MAGEE2: variants seen among roughly 807,000 people sequenced by gnomAD.
MAGEE2 encodes MAGE family member E2.
For synonymous variants in MAGEE2, 189 were observed against 155.4 expected (o/e 1.22, Z -1.61); for missense variants, 508 against 391.1 (o/e 1.30, Z -2.52).
rs750842598 is a variant in MAGEE2, at chrX:75,784,212, G to T, written c.840C>A (p.Ser280Arg). Residue 280 changes from serine (S) to arginine (R), a missense_variant, in exon 1 of 1, where the codon AGC becomes AGA. Coordinates refer to ENST00000373359, the MANE Select transcript of MAGEE2 (RefSeq NM_138703.5). ...VSDAHDEEPWSWPEEYNKALE... is the reference protein window; with the variant it reads ...VSDAHDEEPWRWPEEYNKALE... ...GGGCCTTATTATATTCTTCTGGCCA[G>T]CTCCAGGGTTCTTCATCATGGGCAT... 11 of 1,209,798 alleles carry T rather than the reference G, an allele frequency of 9.1e-6. No individual in the cohort carries two copies. In the South Asian group the frequency reaches 1.4e-4, roughly 16 times the overall value.
Position 75,784,767 on chromosome X carries a change from C to G in MAGEE2, c.285G>C (p.Leu95Phe). The G allele has an allele frequency of 8.3e-7, 1 of 1,211,462 alleles. No individual in the cohort carries two copies. Reference sequence around the variant, plus strand: ...GGCTTTTCATTCTCATGAAATTCACCAAAGCAATCGACCTGTCTTCTAGAG... The same window carrying G: ...GGCTTTTCATTCTCATGAAATTCACGAAAGCAATCGACCTGTCTTCTAGAG... ...HDPLEDRSIA[L>F]VNFMRMKSQT... The change falls in exon 1 of 1, where the codon TTG (leucine) becomes TTC (phenylalanine). Residue 95 changes from leucine to phenylalanine, a missense_variant. Physicochemically the swap from Leu to Phe is conservative, Grantham distance 22. Transcript: ENST00000373359.
In MAGEE2 at chrX:75,784,704, C is replaced by T. The variant is rs753998570; in HGVS notation, c.348G>A (p.Glu116=). Residue 116 remains glutamate, a synonymous_variant, in exon 1 of 1, where the codon GAG becomes GAA. Transcript: ENST00000373359. ...ACTGATCTGAGTACTCTCTGAGAAACTCCAGCATCTCGGACTGCTGGATAG... is the reference window on the plus strand; with the variant it reads ...ACTGATCTGAGTACTCTCTGAGAAATTCCAGCATCTCGGACTGCTGGATAG... ...EGSIQQSEML[E]FLREYSDQFP... The T allele has an allele frequency of 4.1e-6, 5 of 1,209,765 alleles. No individual in the cohort carries two copies. The African/African-American group carries it at 8.7e-5, about 21-fold the overall frequency.
Position 75,783,762 on chromosome X carries a change from A to T in MAGEE2, c.1290T>A (p.Phe430Leu). Residue 430 changes from phenylalanine (F) to leucine (L), a missense_variant, in exon 1 of 1, where the codon TTT becomes TTA. Phe to Leu is a conservative substitution (Grantham distance 22, BLOSUM62 0). Coordinates refer to ENST00000373359, the MANE Select transcript of MAGEE2 (RefSeq NM_138703.5). Reference sequence around the variant, plus strand: ...AATGCTTTCTCCCTACATCCACACTAAATCTTCGAAGCAAGTTCCAGACAT... The same window carrying T: ...AATGCTTTCTCCCTACATCCACACTTAATCTTCGAAGCAAGTTCCAGACAT... ...EANVWNLLRR[F>L]SVDVGRKHSI... 1 of 1,211,728 alleles carries T rather than the reference A, an allele frequency of 8.3e-7. No homozygotes were observed. The highest frequency in any genetic ancestry group is 1.1e-6 in the Non-Finnish European group (1 of 895,527).
Position 75,784,822 on chromosome X carries a change from C to T in MAGEE2, c.230G>A (p.Arg77Lys). 1 of 1,211,502 alleles carries T rather than the reference C, an allele frequency of 8.3e-7. No homozygotes were observed. The highest frequency in any genetic ancestry group is 3.0e-5 in the East Asian group (1 of 33,802). Residue 77 changes from arginine to lysine, a missense_variant, in exon 1 of 1, where the codon AGA (arginine) becomes AAA (lysine). Physicochemically the swap from Arg to Lys is conservative, Grantham distance 26. Transcript: ENST00000373359. ...ATGGACCCTGAGCGCCCCCAAACGTCTGGACTGCTCGTCGATCAGGACCTC... is the reference window on the plus strand; with the variant it reads ...ATGGACCCTGAGCGCCCCCAAACGTTTGGACTGCTCGTCGATCAGGACCTC... ...DLEVLIDEQS[R>K]RLGALRVHDP... is the part of the protein sequence containing the mutation.
Position 75,784,136 on chromosome X carries a change from A to T in MAGEE2, c.916T>A (p.Trp306Arg). Residue 306 changes from tryptophan (W) to arginine (R), a missense_variant, in exon 1 of 1, where the codon TGG (tryptophan) becomes AGG (arginine). Coordinates refer to ENST00000373359, the MANE Select transcript of MAGEE2 (RefSeq NM_138703.5). ...ERSLTAGLEFWSEDTMNDKAN... is the reference protein window; with the variant it reads ...ERSLTAGLEFRSEDTMNDKAN... ...TTATCATTCATAGTGTCCTCCGACCAGAACTCTAAGCCAGCAGTCAGGCTT... is the reference window on the plus strand; with the variant it reads ...TTATCATTCATAGTGTCCTCCGACCTGAACTCTAAGCCAGCAGTCAGGCTT... The T allele has an allele frequency of 8.3e-7, 1 of 1,211,993 alleles. No homozygotes were observed. Among genetic ancestry groups the T allele is most frequent in the Non-Finnish European group, 1.1e-6 (1 of 895,620 alleles).
chrX:75,784,975 A>C lies in MAGEE2; in HGVS notation c.77T>G (p.Ile26Arg). The part of the protein sequence containing the change: ...TADYGDGRGE[I>R]QATNASGSPT... The stretch of plus-strand genomic sequence containing the variant: ...GGACCCGGAGGCGTTAGTAGCTTGT[A>C]TTTCACCTCTGCCGTCGCCGTAATC... Residue 26 changes from isoleucine to arginine, a missense_variant, in exon 1 of 1, where the codon ATA (isoleucine) becomes AGA (arginine). Coordinates refer to ENST00000373359, the MANE Select transcript of MAGEE2 (RefSeq NM_138703.5). 1 of 1,144,869 alleles carries C rather than the reference A, an allele frequency of 8.7e-7. No homozygotes were observed. Among genetic ancestry groups the C allele is most frequent in the Non-Finnish European group, 1.2e-6 (1 of 864,317 alleles). 94.4% of individuals were successfully genotyped at this position (1,144,869 alleles called of 1,213,427 possible).
chrX:75,784,281 G>A lies in MAGEE2; in HGVS notation c.771C>T (p.Ala257=), dbSNP rs769740473. The part of the protein sequence containing the change: ...LEFEFLWGSR[A]HREITKMEAL... ...CTTCCATCTTTGTGATTTCCCTGTGGGCTCTAGAGCCCCACAAGAACTCAA... is the reference window on the plus strand; with the variant it reads ...CTTCCATCTTTGTGATTTCCCTGTGAGCTCTAGAGCCCCACAAGAACTCAA... Residue 257 remains alanine, a synonymous_variant, in exon 1 of 1, where the codon GCC becomes GCT. Coordinates refer to ENST00000373359, the MANE Select transcript of MAGEE2 (RefSeq NM_138703.5). 2.2e-5 allele frequency: 27 copies of A among 1,211,441 alleles called. 1 individual carries two copies. The highest frequency in any genetic ancestry group is 2.9e-5 in the Non-Finnish European group (26 of 895,459).
In MAGEE2 at chrX:75,784,235, C is replaced by T; in HGVS notation, c.817G>A (p.Ala273Thr). 8.3e-7 allele frequency: 1 copy of T among 1,211,823 alleles called. No homozygotes were observed. The change falls in exon 1 of 1, where the codon GCC (alanine) becomes ACC (threonine). Residue 273 changes from alanine to threonine, a missense_variant. Coordinates refer to ENST00000373359, the MANE Select transcript of MAGEE2 (RefSeq NM_138703.5). ...CAGCTCCAGGGTTCTTCATCATGGG[C>T]ATCTGACACAAACTTCAGGGCTTCC... ...KMEALKFVSD[A>T]HDEEPWSWPE...
chrX:75,784,620 C>A lies in MAGEE2; in HGVS notation c.432G>T (p.Leu144=). The A allele has an allele frequency of 8.3e-7, 1 of 1,210,430 alleles. No individual in the cohort carries two copies. The highest frequency in any genetic ancestry group is 1.1e-6 in the Non-Finnish European group (1 of 894,871). The part of the protein sequence containing the change: ...AHLDQVFGLN[L]RVIDPQADTY... ...TGTCAGCCTGAGGATCAATAACTCT[C>A]AGGTTCAACCCAAAGACCTGGTCCA... The change falls in exon 1 of 1, where the codon CTG becomes CTT. Residue 144 remains leucine, a synonymous_variant. Transcript: ENST00000373359.
At position 75,784,347 on chromosome X, in the gene MAGEE2, G is replaced by A. The variant is rs1170352602; in HGVS notation, c.705C>T (p.Phe235=). 8.3e-7 allele frequency: 1 copy of A among 1,211,765 alleles called. No homozygotes were observed. The highest frequency in any genetic ancestry group is 2.2e-5 in the Admixed American group (1 of 46,044). The change falls in exon 1 of 1, where the codon TTC becomes TTT. Residue 235 remains phenylalanine (F), a synonymous_variant. Transcript: ENST00000373359. ...LLTTDFVCMR[F]LEYWPVYGTN... is the part of the protein sequence containing the mutation. ...TGCCATACACCGGCCAGTACTCCAA[G>A]AATCGCATGCACACAAAGTCAGTAG...
rs1464906395 is a variant in MAGEE2 at position 75,784,433 on chromosome X, C to G, written c.619G>C (p.Asp207His). ...ASIWDLLLKV[D>H]MWDKPQRINN... ...ATCCTCTGAGGCTTATCCCACATAT[C>G]AACTTTTAGCAGCAAGTCCCAAATG... The change falls in exon 1 of 1, where the codon GAT (aspartate) becomes CAT (histidine). Residue 207 changes from aspartate (D) to histidine (H), a missense_variant. Transcript: ENST00000373359. The G allele has an allele frequency of 8.3e-7, 1 of 1,211,908 alleles. No homozygotes were observed. Among genetic ancestry groups the G allele is most frequent in the Admixed American group, 2.2e-5 (1 of 46,071 alleles).
Position 75,785,037 on chromosome X carries a change from G to A in MAGEE2, c.15C>T (p.Ser5=), listed in dbSNP as rs1329115681. MSLV[S]QNARHCSAEI... is the part of the protein sequence containing the mutation. Reference sequence around the variant, plus strand: ...CTGCGCTACAGTGGCGTGCATTCTGGCTTACCAGAGACATGGTTCCAGGAG... The same window carrying A: ...CTGCGCTACAGTGGCGTGCATTCTGACTTACCAGAGACATGGTTCCAGGAG... The change falls in exon 1 of 1, where the codon AGC becomes AGT. Residue 5 remains serine, a synonymous_variant. Coordinates refer to ENST00000373359, the MANE Select transcript of MAGEE2 (RefSeq NM_138703.5). 3.6e-6 allele frequency: 4 copies of A among 1,123,738 alleles called. No homozygotes were observed. The highest frequency in any genetic ancestry group is 4.7e-6 in the Non-Finnish European group (4 of 853,624). 92.6% of individuals were successfully genotyped at this position (1,123,738 alleles called of 1,213,427 possible).
Position 75,783,370 on chromosome X carries a change from A to C in MAGEE2, c.*110T>G. 1 of 883,830 alleles carries C rather than the reference A, an allele frequency of 1.1e-6. No individual in the cohort carries two copies. Among genetic ancestry groups the C allele is most frequent in the Non-Finnish European group, 1.5e-6 (1 of 647,916 alleles). The allele number at this position is 883,830 out of a possible 1,213,427, so 72.8% of individuals were successfully genotyped here. A position where few individuals can be genotyped will look rare whatever the true frequency, so the allele number is the denominator to read the frequency against. On this transcript the variant is annotated 3_prime_UTR_variant, in exon 1 of 1. Coordinates refer to ENST00000373359, the MANE Select transcript of MAGEE2 (RefSeq NM_138703.5). ...AACACAGACAGCAAGCACAATTTGT[A>C]CTTCCCACACAAGCCCTACCTGGAT...
rs753553372 is a variant in MAGEE2, at chrX:75,784,753, C to G, written c.299G>C (p.Arg100Thr). Reference sequence around the variant, plus strand: ...AGACCCCTCCGTCTGGCTTTTCATTCTCATGAAATTCACCAAAGCAATCGA... The same window carrying G: ...AGACCCCTCCGTCTGGCTTTTCATTGTCATGAAATTCACCAAAGCAATCGA... ...DRSIALVNFM[R>T]MKSQTEGSIQ... Residue 100 changes from arginine (R) to threonine (T), a missense_variant, in exon 1 of 1, where the codon AGA becomes ACA. By Grantham distance (71) the Arg-to-Thr change is moderately conservative (BLOSUM62 -1). Transcript: ENST00000373359. 18 of 1,209,513 alleles carry G rather than the reference C, an allele frequency of 1.5e-5. No homozygotes were observed. The highest frequency in any genetic ancestry group is 2.0e-5 in the Non-Finnish European group (18 of 895,067).
In MAGEE2 at chrX:75,784,494, G is replaced by A. The variant is rs148234394; in HGVS notation, c.558C>T (p.His186=). The A allele has an allele frequency of 4.3e-5, 52 of 1,210,157 alleles. No individual in the cohort carries two copies. The African/African-American group carries it at 7.9e-4, about 18-fold the overall frequency. ...KASLLALVLG[H]ILLNGNRARE... ...TTGCTCGGTTCCCATTCAAGAGGAT[G>A]TGGCCTAGGACTAGGGCCAGGAGAC... Residue 186 remains histidine (H), a synonymous_variant, in exon 1 of 1, where the codon CAC becomes CAT. Coordinates refer to ENST00000373359, the MANE Select transcript of MAGEE2 (RefSeq NM_138703.5).
rs376653283 is a variant in MAGEE2, at chrX:75,783,478, C to T, written c.*2G>A. 3.5e-5 allele frequency: 42 copies of T among 1,201,461 alleles called. No homozygotes were observed. The highest frequency in any genetic ancestry group is 4.7e-5 in the Non-Finnish European group (42 of 889,238). On this transcript the variant is annotated 3_prime_UTR_variant, in exon 1 of 1. Coordinates refer to ENST00000373359, the MANE Select transcript of MAGEE2 (RefSeq NM_138703.5). The stretch of plus-strand genomic sequence containing the variant: ...GCTGAAGTGATACATATTCCCTAGA[C>T]TTCACGTGGGGTCAAGGAAAAACAT...
rs2087878113 is a variant in MAGEE2 at position 75,784,854 on chromosome X, A to T, written c.198T>A (p.Asn66Lys). 8.3e-7 allele frequency: 1 copy of T among 1,209,426 alleles called. No homozygotes were observed. Among genetic ancestry groups the T allele is most frequent in the African/African-American group, 1.7e-5 (1 of 57,806 alleles). ...VNTSQAVQDPNDLEVLIDEQS... is the reference protein window; with the variant it reads ...VNTSQAVQDPKDLEVLIDEQS... The stretch of plus-strand genomic sequence containing the variant: ...GCTCGTCGATCAGGACCTCCAGGTC[A>T]TTCGGGTCCTGAACGGCCTGGGAAG... The change falls in exon 1 of 1, where the codon AAT (asparagine) becomes AAA (lysine). Residue 66 changes from asparagine to lysine, a missense_variant. Transcript: ENST00000373359.
In MAGEE2 at chrX:75,784,292, C is replaced by G; in HGVS notation, c.760G>C (p.Gly254Arg). The change falls in exon 1 of 1, where the codon GGC becomes CGC. Residue 254 changes from glycine (G) to arginine (R), a missense_variant. Gly to Arg is a moderately radical substitution (Grantham distance 125, BLOSUM62 -2). Coordinates refer to ENST00000373359, the MANE Select transcript of MAGEE2 (RefSeq NM_138703.5). ...GTGATTTCCCTGTGGGCTCTAGAGC[C>G]CCACAAGAACTCAAACTCAAGGGGA... ...TNPLEFEFLW[G>R]SRAHREITKM... 1.7e-6 allele frequency: 2 copies of G among 1,211,577 alleles called. No individual in the cohort carries two copies. The highest frequency in any genetic ancestry group is 2.2e-6 in the Non-Finnish European group (2 of 895,501).
Position 75,785,108 on chromosome X carries a change from C to G in MAGEE2, c.-57G>C, listed in dbSNP as rs756003829. ...ATCAGCGATCAGTCGGAGAGAGGAC[C>G]GCAGCAGTGTTGGTGCCTCGGCACA... On this transcript the variant is annotated 5_prime_UTR_variant, in exon 1 of 1. Coordinates refer to ENST00000373359, the MANE Select transcript of MAGEE2 (RefSeq NM_138703.5). The G allele has an allele frequency of 2.5e-4, 273 of 1,074,727 alleles. 1 individual carries two copies. The highest frequency in any genetic ancestry group is 2.8e-4 in the Non-Finnish European group (231 of 823,058). The allele number at this position is 1,074,727 out of a possible 1,213,427, so 88.6% of individuals were successfully genotyped here.
Sources: allele counts gnomAD v4.1 joint callset, GRCh38; gene constraint gnomAD v4.1.1; transcripts MANE v1.5; gene names NCBI Gene and HGNC (gene_info 2026-07-23, HGNC 2026-07-21).